The following ALDH1A1 variants were observed in gnomAD, a reference collection of about 807,000 sequenced individuals.
ALDH1A1 encodes the protein aldehyde dehydrogenase 1A1.
Under a neutral mutation model 62.1 loss-of-function variants are expected in ALDH1A1, and 19 were observed. That is an observed-to-expected ratio of 0.31 (90% confidence interval 0.21 to 0.45). The LOEUF is 0.45. Ranked by LOEUF, ALDH1A1 falls within the 20% of genes least tolerant of loss-of-function variation. The probability of loss-of-function intolerance (pLI) is 1.00; values close to 1 mark genes in which losing one functional copy is unlikely to be tolerated. For synonymous variants in ALDH1A1, 231 were observed against 215.9 expected, an observed-to-expected ratio of 1.07 and a Z score of -0.61; for missense variants, 521 against 607.1, an observed-to-expected ratio of 0.86 and a Z score of 1.49.
chr9:72,938,326 G>T (rs568002835), intron 2 of ALDH1A1, among the ~76,000 whole-genome samples: 1 of 150,828 alleles, frequency 6.6e-6, no homozygotes, highest in Non-Finnish European at 1.5e-5. Flanking sequence ...CTAAAGAGCA[G>T]AAAAATCATT....
In ALDH1A1 at chr9:72,909,712, G is replaced by T. The variant is rs557107838; in HGVS notation, c.1248C>A (p.Asp416Glu). 20 of 1,613,366 alleles carry T rather than the reference G, an allele frequency of 1.2e-5. No homozygotes were observed. Among genetic ancestry groups the T allele is most frequent in the Non-Finnish European group, 1.7e-5 (20 of 1,179,632 alleles). The change falls in exon 11 of 13, where the codon GAC (aspartate) becomes GAA (glutamate). Residue 416 changes from aspartate to glutamate, a missense_variant. Asp to Glu is a conservative substitution (Grantham distance 45). Transcript: ENST00000297785. ...QQIMKFKSLD[D>E]VIKRANNTFY... ...AAGTATTGTTTGCTCTTTTGATCAC[G>T]TCATCTAAAGATTTAAACTTCATGA...
At chr9:72,939,346 A>G (rs919289715) in intron 2 of ALDH1A1, among the ~76,000 whole-genome samples, 2 of 151,876 alleles carry the variant, frequency 1.3e-5, no homozygotes, top group African/African-American at 4.8e-5. Context: ...GGAAAATAAC[A>G]ACGCTTGTAA....
intron 1 of ALDH1A1, among the ~76,000 whole-genome samples, chr9:72,950,188 G>C (rs770374451): frequency 9.2e-5 from 14 of 151,838 alleles, no homozygotes; most frequent in Non-Finnish European, 1.9e-4. Flanking sequence ...GGCTTTGTAC[G>C]CATTAAGTTC....
At chr9:72,938,584 T>C (rs1327585716) in intron 2 of ALDH1A1, among the ~76,000 whole-genome samples, 1 of 152,036 alleles carries the variant, frequency 6.6e-6, no homozygotes, top group East Asian at 1.9e-4. Flanking sequence ...GTAGCTGAAA[T>C]TACAGGCATG....
Position 72,917,118 on chromosome 9 carries a change from A to G in ALDH1A1, c.851-14T>C, listed in dbSNP as rs367577799. ...CAGCATTGTCCACTGCGAAGAAGAC[A>G]TTCACATTAAAGATATATTTTATAA... On this transcript the variant is annotated splice_polypyrimidine_tract_variant and intron_variant, in intron 8 of 12. Transcript: ENST00000297785. The G allele has an allele frequency of 1.3e-6, 2 of 1,484,760 alleles. No individual in the cohort carries two copies. Among genetic ancestry groups the G allele is most frequent in the Admixed American group, 2.2e-5 (1 of 45,492 alleles). The allele number at this position is 1,484,760 out of a possible 1,614,324, so 92.0% of individuals were successfully genotyped here.
chr9:72,900,881 A>G lies in ALDH1A1; in HGVS notation c.*327T>C, dbSNP rs1354583718. ...CACTAAGGGAAAGAAGCTAAATGCA[A>G]CTGTTCCTTTTCTATAAAATTATTA... On this transcript the variant is annotated 3_prime_UTR_variant, in exon 13 of 13. Transcript: ENST00000297785. 5.1e-6 allele frequency: 1 copy of G among 196,078 alleles called. No individual in the cohort carries two copies. Among genetic ancestry groups the G allele is most frequent in the Admixed American group, 5.4e-5 (1 of 18,356 alleles). 12.1% of individuals were successfully genotyped at this position (196,078 alleles called of 1,614,324 possible).
chr9:72,915,163 T>C lies in ALDH1A1; in HGVS notation c.1035+1757A>G, dbSNP rs4646546. ...CAGATCACTGGATTCTATTCATTTA[T>C]AGAAACTAAATTCTAGATCACTGGA... On this transcript the variant is annotated intron_variant, in intron 9 of 12. Transcript: ENST00000297785. Among the ~76,000 whole-genome samples the C allele has an allele frequency of 5.3e-5, 8 of 152,330 alleles. No individual in the cohort carries two copies. In the East Asian group the frequency reaches 1.5e-3, roughly 29 times the overall value.
chr9:72,951,071 G>C (rs1830538764), intron 1 of ALDH1A1, among the ~76,000 whole-genome samples: 1 of 151,884 alleles, frequency 6.6e-6, no homozygotes, highest in African/African-American at 2.4e-5. Context: ...TATAGAAGAT[G>C]CACGAGAAAT....
chr9:72,911,594 AG>A (rs2118495782), intron 10 of ALDH1A1, among the ~76,000 whole-genome samples: 1 of 152,230 alleles, frequency 6.6e-6, no homozygotes, highest in African/African-American at 2.4e-5. Context: ...CCCACATAAA[AG>A]TGAGACCCTG....
intron 11 of ALDH1A1, 79 bp from the exon 12 acceptor site, chr9:72,906,111 G>A: frequency 4.9e-6 from 5 of 1,019,782 alleles, no homozygotes; most frequent in Admixed American, 2.5e-5. Flanking sequence ...TTAGAAATTT[G>A]GAAAGCTCCT....
chr9:72,907,664 T>A (rs552384969), intron 11 of ALDH1A1, among the ~76,000 whole-genome samples: 113 of 152,342 alleles, frequency 7.4e-4, no homozygotes, highest in African/African-American at 2.6e-3. Flanking sequence ...CAAAATGTTA[T>A]CTGTCTTCTG....
Position 72,927,161 on chromosome 9 carries a change from T to C in ALDH1A1, c.459A>G (p.Thr153=), listed in dbSNP as rs746369821. The C allele has an allele frequency of 3.5e-5, 57 of 1,606,224 alleles. No individual in the cohort carries two copies. Among genetic ancestry groups the C allele is most frequent in the Non-Finnish European group, 4.8e-5 (56 of 1,176,276 alleles). The change falls in exon 5 of 13, where the codon ACA becomes ACG. Residue 153 remains threonine, a synonymous_variant. Transcript: ENST00000297785. ...CACCAATAGGTTCATGTCTTGTATA[T>C]GTAAAAAAATTTCCATCTGAAAAAT... ...RTIPIDGNFF[T]YTRHEPIGVC...
At chr9:72,905,502 A>G (rs2080258928) in intron 12 of ALDH1A1, among the ~76,000 whole-genome samples, 1 of 152,136 alleles carries the variant, frequency 6.6e-6, no homozygotes, top group Non-Finnish European at 1.5e-5. Flanking sequence ...AACAAATGGG[A>G]ATCATTCCTC....
At chr9:72,926,811 G>T (rs771722442) in intron 5 of ALDH1A1, among the ~76,000 whole-genome samples, 2 of 152,148 alleles carry the variant, frequency 1.3e-5, no homozygotes, top group Admixed American at 6.5e-5. Context: ...GTAAAGCTTG[G>T]CTCTTATAAA....
chr9:72,921,614 G>T (rs907229883), intron 7 of ALDH1A1, among the ~76,000 whole-genome samples: 1 of 147,392 alleles, frequency 6.8e-6, no homozygotes, highest in African/African-American at 2.5e-5. Flanking sequence ...ATGCTGGTGC[G>T]CTGCACCCAC....
chr9:72,942,436 G>A (rs1830425489), intron 1 of ALDH1A1: 3 of 915,694 alleles, frequency 3.3e-6, no homozygotes, highest in Non-Finnish European at 3.9e-6. Flanking sequence ...TAATCCCTAG[G>A]TACCCTTTTG....
In ALDH1A1 at chr9:72,912,009, C is replaced by T. The variant is rs749537497; in HGVS notation, c.1149G>A (p.Gln383=). 12 of 1,613,870 alleles carry T rather than the reference C, an allele frequency of 7.4e-6. No homozygotes were observed. The highest frequency in any genetic ancestry group is 1.0e-5 in the Non-Finnish European group (12 of 1,179,916). The change falls in exon 10 of 13, where the codon CAG becomes CAA. Residue 383 remains glutamine (Q), a synonymous_variant. Coordinates refer to ENST00000297785, the MANE Select transcript of ALDH1A1 (RefSeq NM_000689.5). ...GPWGNKGYFV[Q]PTVFSNVTDE... ...CTGTAACATTAGAGAACACTGTGGGCTGGACAAAGTAGCCTTTATTCCCCC... is the reference window on the plus strand; with the variant it reads ...CTGTAACATTAGAGAACACTGTGGGTTGGACAAAGTAGCCTTTATTCCCCC...
intron 12 of ALDH1A1, among the ~76,000 whole-genome samples, 163 bp from the exon 13 acceptor site, chr9:72,901,443 G>T (rs931972531): frequency 6.6e-6 from 1 of 152,038 alleles, no homozygotes; most frequent in African/African-American, 2.4e-5. Context: ...CCAATCATAA[G>T]ATTTCTGGTC....
chr9:72,950,721 A>AT (rs2118588211), intron 1 of ALDH1A1, among the ~76,000 whole-genome samples: 1 of 151,936 alleles, frequency 6.6e-6, no homozygotes, highest in Admixed American at 6.6e-5. Context: ...TATAATAATA[A>AT]TAAAAAAGGA....
Sources: allele counts gnomAD v4.1 joint callset (sites outside exome capture counted in the v4.1 genomes callset), GRCh38; gene constraint gnomAD v4.1.1; transcripts MANE v1.5; gene names NCBI Gene and HGNC (gene_info 2026-07-23, HGNC 2026-07-21).